Variants in CLEC12A observed in about 807,000 individuals in gnomAD.
CLEC12A encodes the protein C-type lectin protein CLL-1.
A neutral mutation model predicts 26.5 loss-of-function variants in CLEC12A; 22 were observed. That is an observed-to-expected ratio of 0.83 (90% CI 0.59 to 1.19). CLEC12A has a LOEUF of 1.19. Ranked by LOEUF, CLEC12A falls within the 50% of genes most tolerant of loss-of-function variation. CLEC12A has a pLI of 0.00. For synonymous variants in CLEC12A, 119 were observed against 101.9 expected, an observed-to-expected ratio of 1.17 and a Z score of -1.01; for missense variants, 353 against 315.6, an observed-to-expected ratio of 1.12 and a Z score of -0.90.
chr12:9,973,056 C>G (rs931572203), intron 1 of CLEC12A, among the ~76,000 whole-genome samples: 1 of 152,118 alleles, frequency 6.6e-6, no homozygotes, highest in Non-Finnish European at 1.5e-5. Flanking sequence ...ATCTAATTTT[C>G]TCATTATCGA....
At chr12:9,958,900 G>T (rs1003782654) in intron 1 of CLEC12A, among the ~76,000 whole-genome samples, 9 of 152,188 alleles carry the variant, frequency 5.9e-5, no homozygotes, top group African/African-American at 2.2e-4. Flanking sequence ...TCAGAACTCA[G>T]ATCTCAGTTA....
At chr12:9,975,411 A>G (rs1301320155) in intron 1 of CLEC12A, among the ~76,000 whole-genome samples, 2 of 152,192 alleles carry the variant, frequency 1.3e-5, no homozygotes, top group African/African-American at 4.8e-5. Flanking sequence ...GAACGGGAGC[A>G]AAGGTGACTC....
exon 5 of CLEC12A, chr12:9,995,231 T>G (rs778816261): frequency 6.2e-7 from 1 of 1,612,722 alleles, no homozygotes; most frequent in South Asian, 1.1e-5. Context: ...AAATGAGTCC[T>G]GGCTTTGATG....
downstream of CLEC12A, among the ~76,000 whole-genome samples, chr12:9,987,115 C>G (rs1591841372): frequency 2.0e-5 from 3 of 152,280 alleles, no homozygotes; most frequent in South Asian, 2.1e-4. Flanking sequence ...CTGCTTTAAC[C>G]AGAGCCAGAG....
chr12:9,975,934 G>A (rs568022619), intron 1 of CLEC12A, among the ~76,000 whole-genome samples: 26 of 152,282 alleles, frequency 1.7e-4, no homozygotes, highest in African/African-American at 5.1e-4. Context: ...TCATGGCTTC[G>A]GAGAGGGTGC....
chr12:9,989,494 C>A (rs1007253590), downstream of CLEC12A, among the ~76,000 whole-genome samples: 6 of 152,196 alleles, frequency 3.9e-5, no homozygotes, highest in African/African-American at 1.4e-4. Context: ...ACAACGTTCT[C>A]TTAAGTCAAA....
chr12:9,989,155 T>C (rs928235992), downstream of CLEC12A, among the ~76,000 whole-genome samples: 24 of 143,458 alleles, frequency 1.7e-4, no homozygotes, highest in Non-Finnish European at 2.7e-4. Flanking sequence ...TAGGTGGGAA[T>C]TGAACAATGA....
chr12:9,998,759 A>G (rs1382670831), downstream of CLEC12A, among the ~76,000 whole-genome samples: 1 of 152,170 alleles, frequency 6.6e-6, no homozygotes. Flanking sequence ...ATAGAAAATG[A>G]AATTTCCACT....
chr12:9,964,272 G>A (rs1305948070), intron 1 of CLEC12A, among the ~76,000 whole-genome samples: 2 of 152,164 alleles, frequency 1.3e-5, no homozygotes, highest in East Asian at 1.9e-4. Flanking sequence ...GTTAAAGGAA[G>A]TTTGGAGGTG....
chr12:9,977,272 T>C (rs1000359079), intron 1 of CLEC12A, among the ~76,000 whole-genome samples: 1 of 152,184 alleles, frequency 6.6e-6, no homozygotes, highest in African/African-American at 2.4e-5. Flanking sequence ...TTCTGTTCTC[T>C]TTCACATGTC....
At chr12:9,985,799 G>A (rs1329255617), downstream of CLEC12A, 4 of 231,258 alleles carry the variant, frequency 1.7e-5, no homozygotes, top group Non-Finnish European at 2.5e-5. Context: ...TATCCTGTTA[G>A]TAAATATTTT....
chr12:9,955,301 A>T lies in CLEC12A; in HGVS notation c.10+3945A>T, dbSNP rs1863725949. Among the ~76,000 whole-genome samples, 4 of 152,226 alleles carry T rather than the reference A, an allele frequency of 2.6e-5. No individual in the cohort carries two copies. The South Asian group carries it at 8.3e-4, about 32-fold the overall frequency. On this transcript the variant is annotated intron_variant, in intron 1 of 6. Coordinates refer to the CLEC12A transcript ENST00000355690. ...AAGAGGTTTCACCATGTTAGCCAGG[A>T]TGGTCTTGATCTCCTGACCTCATGA... is the stretch of plus-strand genomic sequence containing the variant.
rs774368524 is a variant in CLEC12A at position 9,980,586 on chromosome 12, C to T, written c.384C>T (p.His128=). 1.2e-6 allele frequency: 2 copies of T among 1,611,748 alleles called. No homozygotes were observed. Among genetic ancestry groups the T allele is most frequent in the Non-Finnish European group, 1.7e-6 (2 of 1,179,012 alleles). ...CRELYSKEQE[H]KCKPCPRRWI... is the part of the protein sequence containing the mutation. ...AAAACTATGTTCTTCTTCCAGAGCA[C>T]AAATGTAAGCCTTGTCCAAGGAGAT... Residue 128 remains histidine, a synonymous_variant, in exon 4 of 6, where the codon CAC becomes CAT. Coordinates refer to ENST00000304361, the MANE Select transcript of CLEC12A (RefSeq NM_138337.6).
chr12:9,980,183 C>T (rs1171899628), intron 3 of CLEC12A, among the ~76,000 whole-genome samples: 1 of 152,024 alleles, frequency 6.6e-6, no homozygotes, highest in Non-Finnish European at 1.5e-5. Flanking sequence ...GGAAGACACA[C>T]TTGAATCCAA....
intron 1 of CLEC12A, 132 bp downstream of exon 1, chr12:9,971,819 G>A: frequency 4.4e-6 from 3 of 677,780 alleles, no homozygotes; most frequent in South Asian, 3.4e-5. Flanking sequence ...TTTAAGCAAA[G>A]GAACAAAAAG....
At chr12:9,957,953 A>T (rs1863769824) in intron 1 of CLEC12A, among the ~76,000 whole-genome samples, 1 of 152,240 alleles carries the variant, frequency 6.6e-6, no homozygotes, top group African/African-American at 2.4e-5. Context: ...TTGAGGCCAA[A>T]CCAAGCCTAG....
At chr12:9,956,768 GGAGA>G (rs1348002464) in intron 1 of CLEC12A, among the ~76,000 whole-genome samples, 1 of 152,178 alleles carries the variant, frequency 6.6e-6, no homozygotes, top group African/African-American at 2.4e-5. Context: ...ATGGGGAGCT[GGAGA>G]GAGAAACATT....
the CLEC12A span, among the ~76,000 whole-genome samples, chr12:10,003,440 G>A: frequency 0.53 from 81,284 of 151,972 alleles, 22,182 homozygotes; most frequent in Non-Finnish European, 0.57. Context: ...TATGTATACA[G>A]AACATATGTA....
chr12:9,978,675 C>T (rs1483744055), intron 1 of CLEC12A, among the ~76,000 whole-genome samples: 1 of 152,110 alleles, frequency 6.6e-6, no homozygotes, highest in Non-Finnish European at 1.5e-5. Flanking sequence ...TTTCTCCATT[C>T]TCTATTATAA....
Sources: allele counts gnomAD v4.1 joint callset (sites outside exome capture counted in the v4.1 genomes callset), GRCh38; gene constraint gnomAD v4.1.1; transcripts MANE v1.5; gene names NCBI Gene and HGNC (gene_info 2026-07-23, HGNC 2026-07-21).